FAM193A: variants seen among roughly 807,000 people sequenced by gnomAD.
The protein encoded by FAM193A is family with sequence similarity 193 member A.
A neutral mutation model predicts 126.5 loss-of-function variants in FAM193A; 22 were observed. That is an observed-to-expected ratio of 0.17 (90% CI 0.12 to 0.25). The LOEUF is 0.25. Among genes scored for constraint, FAM193A ranks in the 10% least tolerant of loss-of-function variants. FAM193A has a pLI of 1.00. For missense variants in FAM193A, 1,675 were observed against 1,672.8 expected, an observed-to-expected ratio of 1.00 and a Z score of -0.02; for synonymous variants, 761 against 646.8, an observed-to-expected ratio of 1.18 and a Z score of -2.68.
chr4:2,629,385 T>C (rs1743325148), intron 4 of FAM193A, among the ~76,000 whole-genome samples: 1 of 152,204 alleles, frequency 6.6e-6, no homozygotes, highest in African/African-American at 2.4e-5. Context: ...TACTAGTAGT[T>C]GAAATGACAG....
chr4:2,703,887 G>A (rs1470993305), intron 19 of FAM193A, among the ~76,000 whole-genome samples: 7 of 151,340 alleles, frequency 4.6e-5, no homozygotes, highest in Non-Finnish European at 1.0e-4. Flanking sequence ...CAGGAGAATC[G>A]CTGGAGCCCA....
intron 1 of FAM193A, among the ~76,000 whole-genome samples, chr4:2,582,032 A>G (rs534620950): frequency 6.6e-6 from 1 of 152,284 alleles, no homozygotes; most frequent in East Asian, 1.9e-4. Flanking sequence ...TCAAGATTTT[A>G]GAGAAATTAC....
chr4:2,610,249 A>AAC (rs770455705), intron 2 of FAM193A, among the ~76,000 whole-genome samples: 94 of 152,146 alleles, frequency 6.2e-4, no homozygotes, highest in Admixed American at 1.3e-3. Context: ...AACAAAACAA[A>AAC]AAAAACTCGC....
At chr4:2,609,139 G>C (rs34421311) in intron 2 of FAM193A, among the ~76,000 whole-genome samples, 1 of 151,786 alleles carries the variant, frequency 6.6e-6, no homozygotes, top group Non-Finnish European at 1.5e-5. Flanking sequence ...TGATCCACCC[G>C]CCTCGGCCTT....
intron 16 of FAM193A, 109 bp from the exon 17 acceptor site, chr4:2,694,837 T>A: frequency 1.1e-6 from 1 of 931,162 alleles, no homozygotes. Context: ...CCCTCTGCGC[T>A]GCCTCTTGTC....
chr4:2,705,586 T>A (rs1314522567), intron 19 of FAM193A, among the ~76,000 whole-genome samples: 1 of 151,988 alleles, frequency 6.6e-6, no homozygotes, highest in Admixed American at 6.6e-5. Flanking sequence ...TATTATTATT[T>A]ATTCTTTTTT....
At chr4:2,602,327 G>A (rs1741246656) in intron 2 of FAM193A, among the ~76,000 whole-genome samples, 3 of 149,436 alleles carry the variant, frequency 2.0e-5, no homozygotes, top group Non-Finnish European at 4.4e-5. Context: ...GCAGATGCTT[G>A]AATCTTCCTC....
intron 1 of FAM193A, among the ~76,000 whole-genome samples, chr4:2,590,337 TG>T (rs1214346364): frequency 6.7e-6 from 1 of 148,208 alleles, no homozygotes; most frequent in Non-Finnish European, 1.5e-5. Flanking sequence ...TGGTGGCTCC[TG>T]CCTGTAGTCC....
intron 2 of FAM193A, among the ~76,000 whole-genome samples, chr4:2,610,709 T>C (rs139348329): frequency 3.0e-4 from 46 of 152,318 alleles, no homozygotes; most frequent in East Asian, 9.7e-4. Flanking sequence ...TGGGCTGTTA[T>C]GAGTAGAGCT....
intron 1 of FAM193A, among the ~76,000 whole-genome samples, chr4:2,546,194 GT>G (rs1218898059): frequency 1.3e-5 from 2 of 151,212 alleles, no homozygotes; most frequent in African/African-American, 4.9e-5. Flanking sequence ...GTCCCACTGT[GT>G]TTCCCAAGCT....
intron 2 of FAM193A, among the ~76,000 whole-genome samples, chr4:2,617,375 C>T (rs1742273763): frequency 2.1e-5 from 3 of 141,856 alleles, no homozygotes; most frequent in East Asian, 4.3e-4. Context: ...AAGCAATTCT[C>T]CTGCCTCAGC....
At chr4:2,558,455 C>T (rs1210491228) in intron 1 of FAM193A, among the ~76,000 whole-genome samples, 1 of 152,158 alleles carries the variant, frequency 6.6e-6, no homozygotes, top group Non-Finnish European at 1.5e-5. Flanking sequence ...CGTCATAGCT[C>T]ACTGCAGCCT....
At position 2,552,929 on chromosome 4, in the gene FAM193A, C is replaced by T. The variant is rs548573569; in HGVS notation, c.255+15759C>T. ...GTGGTGCAGTCTTGGCTCACTGCAA[C>T]CTCTGCCTCCCAGCCTCAAGCAATT... On this transcript the variant is annotated intron_variant, in intron 1 of 20. Coordinates refer to ENST00000637812, the MANE Select transcript of FAM193A (RefSeq NM_001366318.2). 2.0e-5 allele frequency among the ~76,000 whole-genome samples: 3 copies of T among 147,828 alleles called. No homozygotes were observed. The East Asian group carries it at 6.1e-4, about 30-fold the overall frequency.
chr4:2,614,230 T>C (rs1015748432), intron 2 of FAM193A, among the ~76,000 whole-genome samples: 3 of 152,250 alleles, frequency 2.0e-5, no homozygotes, highest in African/African-American at 7.2e-5. Flanking sequence ...ATCCTCTTGC[T>C]CATGATCTTA....
intron 14 of FAM193A, among the ~76,000 whole-genome samples, chr4:2,690,425 C>T (rs1008195993): frequency 7.2e-5 from 11 of 152,198 alleles, no homozygotes; most frequent in African/African-American, 2.7e-4. Context: ...GTTTCTTCAT[C>T]TTCTTAGGAT....
chr4:2,710,532 A>G (rs1421312118), intron 19 of FAM193A, among the ~76,000 whole-genome samples: 1 of 145,632 alleles, frequency 6.9e-6, no homozygotes, highest in Non-Finnish European at 1.5e-5. Context: ...ACAGAGTCTC[A>G]CTCATGTTGC....
At chr4:2,682,351 A>T (rs1715252423) in intron 13 of FAM193A, among the ~76,000 whole-genome samples, 1 of 151,864 alleles carries the variant, frequency 6.6e-6, no homozygotes, top group African/African-American at 2.4e-5. Flanking sequence ...ATTTTTAGAG[A>T]TGGACTCTTG....
intron 20 of FAM193A, among the ~76,000 whole-genome samples, chr4:2,722,260 G>C (rs1301108807): frequency 6.6e-6 from 1 of 152,146 alleles, no homozygotes; most frequent in East Asian, 1.9e-4. Context: ...CGACAAAACA[G>C]GCCTGATGCA....
intron 1 of FAM193A, among the ~76,000 whole-genome samples, chr4:2,586,697 A>G (rs941773669): frequency 4.6e-5 from 7 of 152,212 alleles, no homozygotes; most frequent in African/African-American, 1.7e-4. Context: ...TCTGTTGCCC[A>G]GGCTGGAATG....
Sources: gnomAD v4.1 joint callset for allele counts (sites outside exome capture counted in the v4.1 genomes callset) on GRCh38, gnomAD v4.1.1 for gene constraint, MANE v1.5 for transcripts, NCBI Gene and HGNC (gene_info 2026-07-23, HGNC 2026-07-21) for gene names.